Variants in CLSTN2 observed in about 807,000 individuals in gnomAD.
The protein encoded by CLSTN2 is calsyntenin-2.
CLSTN2 carries 48 observed loss-of-function variants against 101.2 expected under a neutral mutation model. The observed-to-expected ratio is 0.47, with a 90% confidence interval of 0.38 to 0.60. The LOEUF (loss-of-function observed/expected upper bound fraction) is 0.60, where lower values mean the gene tolerates loss of function less well. Ranked by LOEUF, CLSTN2 falls within the 20% of genes least tolerant of loss-of-function variation. The probability of loss-of-function intolerance (pLI) is 0.00; values close to 1 mark genes in which losing one functional copy is unlikely to be tolerated. For missense variants in CLSTN2, 1,160 were observed against 1,238.2 expected (o/e 0.94, Z 0.95); for synonymous variants, 481 against 463.6 (o/e 1.04, Z -0.48).
chr3:140,083,139 T>C (rs1177339474), intron 1 of CLSTN2, among the ~76,000 whole-genome samples: 2 of 152,228 alleles, frequency 1.3e-5, no homozygotes, highest in African/African-American at 4.8e-5. Context: ...TCTTGTATTC[T>C]TCTGTTATAG....
rs368935942 is a variant in CLSTN2 at position 140,495,310 on chromosome 3, G to GT, written c.1344+28588dup. Among the ~76,000 whole-genome samples, 360 of 150,852 alleles carry GT rather than the reference G, an allele frequency of 2.4e-3. 1 individual carries two copies. The highest frequency in any genetic ancestry group is 7.3e-3 in the African/African-American group (299 of 41,184). On this transcript the variant is annotated intron_variant, in intron 8 of 16. Transcript: ENST00000458420. ...TGATGTCCTTTGCCTACTTTTTAATGTTTTTTTTTCCTTGTACATTTGTTT... is the reference window on the plus strand; with the variant it reads ...TGATGTCCTTTGCCTACTTTTTAATGTTTTTTTTTTCCTTGTACATTTGTTT...
chr3:140,473,297 G>A (rs1335881509), intron 8 of CLSTN2, among the ~76,000 whole-genome samples: 2 of 152,092 alleles, frequency 1.3e-5, no homozygotes, highest in Admixed American at 6.5e-5. Flanking sequence ...TGGCACCTCT[G>A]GGCTCTGTTA....
At chr3:140,372,196 C>T (rs986696527) in intron 2 of CLSTN2, among the ~76,000 whole-genome samples, 6 of 152,186 alleles carry the variant, frequency 3.9e-5, no homozygotes, top group Non-Finnish European at 8.8e-5. Context: ...GGATGAAATT[C>T]TCACTCCTCA....
chr3:139,940,755 G>T (rs1232493711), intron 1 of CLSTN2, among the ~76,000 whole-genome samples: 1 of 152,044 alleles, frequency 6.6e-6, no homozygotes. Flanking sequence ...TTTTTCACTA[G>T]TCTATGGATG....
chr3:140,459,801 C>T (rs1470324199), intron 7 of CLSTN2, 32 bp downstream of exon 7: 2 of 1,604,496 alleles, frequency 1.2e-6, no homozygotes, highest in African/African-American at 1.4e-5. Flanking sequence ...TCCACCCCTC[C>T]TACCCCAGCA....
intron 2 of CLSTN2, among the ~76,000 whole-genome samples, chr3:140,329,490 A>G (rs62268007): frequency 0.11 from 16,625 of 152,142 alleles, 1,106 homozygotes; most frequent in South Asian, 0.22. Context: ...CCTCCTCCCC[A>G]TGTCTGCTTC....
At chr3:140,302,789 G>A (rs2107910812) in intron 2 of CLSTN2, among the ~76,000 whole-genome samples, 1 of 152,296 alleles carries the variant, frequency 6.6e-6, no homozygotes, top group Non-Finnish European at 1.5e-5. Context: ...ACTTTGCTAG[G>A]CCAGGTGGGA....
chr3:140,327,609 G>A (rs1278248026), intron 2 of CLSTN2, among the ~76,000 whole-genome samples: 1 of 152,178 alleles, frequency 6.6e-6, no homozygotes, highest in Non-Finnish European at 1.5e-5. Context: ...GAGTCACACA[G>A]CACTCCTTTC....
intron 8 of CLSTN2, among the ~76,000 whole-genome samples, chr3:140,470,126 A>G (rs774546330): frequency 6.6e-6 from 1 of 152,162 alleles, no homozygotes; most frequent in African/African-American, 2.4e-5. Flanking sequence ...TCAGCATTTT[A>G]TCTGTTCTAA....
At chr3:140,345,181 G>C (rs1297241072) in intron 2 of CLSTN2, among the ~76,000 whole-genome samples, 1 of 151,082 alleles carries the variant, frequency 6.6e-6, no homozygotes, top group Non-Finnish European at 1.5e-5. Context: ...TTGCCAGTTT[G>C]TTCCCCAAAA....
At chr3:140,085,323 C>T (rs2008664082) in intron 1 of CLSTN2, among the ~76,000 whole-genome samples, 1 of 152,224 alleles carries the variant, frequency 6.6e-6, no homozygotes, top group African/African-American at 2.4e-5. Flanking sequence ...GAGAGAGCCT[C>T]ATTTTCTTAC....
intron 2 of CLSTN2, among the ~76,000 whole-genome samples, chr3:140,195,773 G>T (rs2010635227): frequency 6.6e-6 from 1 of 152,190 alleles, no homozygotes. Context: ...AATTTTACTT[G>T]AAGTTACCTA....
intron 9 of CLSTN2, among the ~76,000 whole-genome samples, chr3:140,539,151 A>G (rs998399160): frequency 3.3e-5 from 5 of 150,372 alleles, no homozygotes; most frequent in Non-Finnish European, 7.4e-5. Flanking sequence ...AATGTTTGTT[A>G]AATTATATCC....
intron 2 of CLSTN2, among the ~76,000 whole-genome samples, chr3:140,305,019 CAGAG>C (rs1327610292): frequency 1.4e-5 from 2 of 142,456 alleles, no homozygotes; most frequent in African/African-American, 2.7e-5. Flanking sequence ...CACACACACA[CAGAG>C]ACACACACAC....
chr3:140,425,760 G>A (rs950164389), intron 5 of CLSTN2, among the ~76,000 whole-genome samples: 2 of 152,228 alleles, frequency 1.3e-5, no homozygotes, highest in Admixed American at 1.3e-4. Context: ...TTGCTCTTAT[G>A]TGAGCTTTGT....
At chr3:140,240,685 G>C (rs1039373656) in intron 2 of CLSTN2, among the ~76,000 whole-genome samples, 26 of 152,156 alleles carry the variant, frequency 1.7e-4, no homozygotes, top group Admixed American at 1.2e-3. Context: ...GAAGCTAGGT[G>C]ATCCTTGACC....
At chr3:140,415,511 C>CAAAAAAAAAAAAAAAAAAAAAAAAAAAAA (rs1266768081) in intron 4 of CLSTN2, among the ~76,000 whole-genome samples, 1 of 66,322 alleles carries the variant, frequency 1.5e-5, no homozygotes, top group African/African-American at 5.4e-5. Context: ...AAAAAAAAAA[C>CAAAAAAAAAAAAAAAAAAAAAAAAAAAAA]AAACTGATTT....
intron 8 of CLSTN2, among the ~76,000 whole-genome samples, chr3:140,514,258 G>T (rs1934872663): frequency 6.6e-6 from 1 of 151,992 alleles, no homozygotes; most frequent in Admixed American, 6.6e-5. Context: ...TATACACTGT[G>T]CCCAATATGT....
intron 8 of CLSTN2, among the ~76,000 whole-genome samples, chr3:140,523,933 T>G (rs535101146): frequency 1.3e-5 from 2 of 152,208 alleles, no homozygotes; most frequent in Non-Finnish European, 2.9e-5. Context: ...CTTTCTGTCT[T>G]GCAATAGCCT....
Sources: gnomAD v4.1 joint callset for allele counts (sites outside exome capture counted in the v4.1 genomes callset) on GRCh38, gnomAD v4.1.1 for gene constraint, MANE v1.5 for transcripts, NCBI Gene and HGNC (gene_info 2026-07-23, HGNC 2026-07-21) for gene names.